The following NAGK variants were observed in gnomAD, a reference collection of about 807,000 sequenced individuals.
NAGK encodes the protein N-acetyl-D-glucosamine kinase.
NAGK carries 35 observed loss-of-function variants against 42.9 expected under a neutral mutation model. The ratio of observed to expected loss-of-function variants is 0.82; its 90% confidence interval spans 0.62 to 1.08. The LOEUF (loss-of-function observed/expected upper bound fraction) is 1.08, where lower values mean the gene tolerates loss of function less well. Ranked by LOEUF, NAGK falls within the 50% of genes least tolerant of loss-of-function variation. NAGK has a pLI of 0.00. For missense variants in NAGK, 446 were observed against 446.0 expected (o/e 1.00, Z 0.00); for synonymous variants, 172 against 176.0 (o/e 0.98, Z 0.18).
intron 6 of NAGK, 36 bp downstream of exon 6, chr2:71,073,630 G>C (rs528354159): frequency 2.1e-5 from 32 of 1,519,362 alleles, no homozygotes; most frequent in Admixed American, 1.8e-4. Flanking sequence ...TGCGCACCTG[G>C]GGTAGGGCAG....
At chr2:71,068,431 G>A, upstream of NAGK, 5 of 1,330,282 alleles carry the variant, frequency 3.8e-6, no homozygotes, top group Non-Finnish European at 4.9e-6. Context: ...CAGGATCCAG[G>A]AGGACGGGAG....
Position 71,078,686 on chromosome 2 carries a change from C to T in NAGK, c.*178C>T, listed in dbSNP as rs1672307621. 2.1e-5 allele frequency: 15 copies of T among 725,278 alleles called. No individual in the cohort carries two copies. Among genetic ancestry groups the T allele is most frequent in the Non-Finnish European group, 2.1e-6 (1 of 469,198 alleles). The allele number at this position is 725,278 out of a possible 1,614,324, so 44.9% of individuals were successfully genotyped here. ...ACATGTGCTATGTACATCCTCAGTG[C>T]ACCTGCCAGCAGATATCCTGGAGGG... is the stretch of plus-strand genomic sequence containing the variant. On this transcript the variant is annotated 3_prime_UTR_variant, in exon 10 of 10. Transcript: ENST00000244204.
At chr2:71,072,376 G>T in intron 4 of NAGK, 1 of 453,444 alleles carries the variant, frequency 2.2e-6, no homozygotes, top group Non-Finnish European at 4.1e-6. Context: ...AGACCGGCTG[G>T]GCAAGGAGCC....
rs780933170 is a variant in NAGK, at chr2:71,070,810, G to A, written c.184G>A (p.Val62Met). The change falls in exon 3 of 10, where the codon GTG becomes ATG. Residue 62 changes from valine (V) to methionine (M), a missense_variant. Val to Met is a conservative substitution (Grantham distance 21). Coordinates refer to ENST00000244204, the MANE Select transcript of NAGK (RefSeq NM_017567.6). The part of the protein sequence containing the change: ...MVNRAKRKAG[V>M]DPLVPLRSLG... Reference sequence around the variant, plus strand: ...GAACAGGGCCAAACGGAAAGCAGGGGTGGATCCTCTGGTACCGCTGCGAAG... The same window carrying A: ...GAACAGGGCCAAACGGAAAGCAGGGATGGATCCTCTGGTACCGCTGCGAAG... 1.2e-6 allele frequency: 2 copies of A among 1,614,220 alleles called. No individual in the cohort carries two copies. Among genetic ancestry groups the A allele is most frequent in the South Asian group, 1.1e-5 (1 of 91,080 alleles).
intron 6 of NAGK, chr2:71,075,323 A>G (rs942145936): frequency 2.1e-6 from 1 of 475,894 alleles, no homozygotes; most frequent in African/African-American, 1.9e-5. Flanking sequence ...GGTTAACACA[A>G]ATCTGTTCTC....
At chr2:71,069,030 C>T in intron 1 of NAGK, 1 of 1,116,764 alleles carries the variant, frequency 9.0e-7, no homozygotes, top group Non-Finnish European at 1.1e-6. Context: ...CTATTCCTGA[C>T]CTCGGACAGA....
In NAGK at chr2:71,071,503, GGTT is replaced by G. The variant is rs1384690216; in HGVS notation, c.214-179_214-177del. On this transcript the variant is annotated intron_variant, in intron 3 of 9. Coordinates refer to ENST00000244204, the MANE Select transcript of NAGK (RefSeq NM_017567.6). ...CTTTCTTCTGTCCATCCCCAGTCCA[GGTT>G]GTTCTTATAACCACAGCCTTCTGAG... The G allele has an allele frequency of 2.5e-6, 2 of 791,908 alleles. 1 individual carries two copies. The highest frequency in any genetic ancestry group is 3.5e-5 in the African/African-American group (2 of 57,256). The allele number at this position is 791,908 out of a possible 1,614,324, so 49.1% of individuals were successfully genotyped here. A position where few individuals can be genotyped will look rare whatever the true frequency, so the allele number is the denominator to read the frequency against.
At position 71,070,812 on chromosome 2, in the gene NAGK, G is replaced by T. The variant is rs553464360; in HGVS notation, c.186G>T (p.Val62=). The change falls in exon 3 of 10, where the codon GTG becomes GTT. Residue 62 remains valine, a synonymous_variant. Coordinates refer to ENST00000244204, the MANE Select transcript of NAGK (RefSeq NM_017567.6). ...MVNRAKRKAG[V]DPLVPLRSLG... is the part of the protein sequence containing the mutation. Reference sequence around the variant, plus strand: ...ACAGGGCCAAACGGAAAGCAGGGGTGGATCCTCTGGTACCGCTGCGAAGCT... The same window carrying T: ...ACAGGGCCAAACGGAAAGCAGGGGTTGATCCTCTGGTACCGCTGCGAAGCT... The T allele has an allele frequency of 6.2e-7, 1 of 1,614,178 alleles. No homozygotes were observed.
intron 4 of NAGK, among the ~76,000 whole-genome samples, 199 bp downstream of exon 4, chr2:71,072,026 G>A (rs1434341140): frequency 6.6e-6 from 1 of 152,228 alleles, no homozygotes; most frequent in Admixed American, 6.5e-5. Flanking sequence ...CTCTTGATGG[G>A]AATCCAGGAG....
At chr2:71,068,518 C>T (rs898110957), upstream of NAGK, 139 of 1,449,274 alleles carry the variant, frequency 9.6e-5, no homozygotes, top group Non-Finnish European at 1.2e-4. Context: ...CAGCCATCCC[C>T]GGCTCCTACC....
chr2:71,072,455 G>C lies in NAGK; in HGVS notation c.356-186G>C, dbSNP rs114239411. ...CCTAGACGAGGGCGTTATGGGATTA[G>C]AGTTTTTCTGAGACCCAGGCTCTCA... On this transcript the variant is annotated intron_variant, in intron 4 of 9. Transcript: ENST00000244204. The C allele has an allele frequency of 1.4e-3, 763 of 559,836 alleles. 4 individuals are homozygous for C. Among genetic ancestry groups the C allele is most frequent in the African/African-American group, 0.013 (698 of 52,984 alleles). 34.7% of individuals were successfully genotyped at this position (559,836 alleles called of 1,614,324 possible).
chr2:71,076,611 G>A lies in NAGK; in HGVS notation c.675G>A (p.Gln225=). 6.2e-7 allele frequency: 1 copy of A among 1,613,134 alleles called. No homozygotes were observed. Among genetic ancestry groups the A allele is most frequent in the Non-Finnish European group, 8.5e-7 (1 of 1,179,278 alleles). ...CCGTCCTCCCTACCCCAGGTGCTCAGCAGGGAGACCCCCTTTCCCGCTATA... is the reference window on the plus strand; with the variant it reads ...CCGTCCTCCCTACCCCAGGTGCTCAACAGGGAGACCCCCTTTCCCGCTATA... ...GFCRKIAEGA[Q]QGDPLSRYIF... The change falls in exon 8 of 10, where the codon CAG becomes CAA. Residue 225 remains glutamine (Q), a synonymous_variant. Transcript: ENST00000244204.
chr2:71,068,862 G>T (rs1671892006), intron 1 of NAGK, 150 bp downstream of exon 1: 1 of 1,373,342 alleles, frequency 7.3e-7, no homozygotes, highest in South Asian at 1.8e-5. Context: ...GCGCAGGGGC[G>T]CCCTGGAGCG....
At chr2:71,068,330 C>T (rs530432762), upstream of NAGK, 3 of 549,690 alleles carry the variant, frequency 5.5e-6, no homozygotes, top group African/African-American at 5.9e-5. Flanking sequence ...CGTTTACAGG[C>T]AGGCAGGTCA....
intron 1 of NAGK, 118 bp downstream of exon 1, chr2:71,068,830 T>G: frequency 7.1e-7 from 1 of 1,401,204 alleles, no homozygotes; most frequent in Non-Finnish European, 9.2e-7. Flanking sequence ...GGCGGGACCT[T>G]GCGGTGAAGA....
intron 2 of NAGK, 67 bp downstream of exon 2, chr2:71,070,653 G>T: frequency 6.2e-7 from 1 of 1,604,214 alleles, no homozygotes. Flanking sequence ...TCCTGTTGAG[G>T]TGGTGGCTGG....
chr2:71,074,476 T>G (rs866268043), intron 6 of NAGK: 2 of 152,354 alleles, frequency 1.3e-5, no homozygotes, highest in African/African-American at 2.4e-5. Flanking sequence ...CAAACTCTAC[T>G]GATAGGTCTA....
chr2:71,076,755 T>A, intron 8 of NAGK, 54 bp downstream of exon 8: 1 of 1,447,536 alleles, frequency 6.9e-7, no homozygotes, highest in Non-Finnish European at 9.7e-7. Flanking sequence ...AGTGGTCCTT[T>A]CCCACTGTGG....
In NAGK at chr2:71,078,525, C is replaced by T. The variant is rs368258937; in HGVS notation, c.*17C>T. The T allele has an allele frequency of 1.9e-3, 2,877 of 1,500,950 alleles. 4 individuals are homozygous for T. Among genetic ancestry groups the T allele is most frequent in the Non-Finnish European group, 2.2e-3 (2,433 of 1,118,486 alleles). The allele number at this position is 1,500,950 out of a possible 1,614,324, so 93.0% of individuals were successfully genotyped here. On this transcript the variant is annotated 3_prime_UTR_variant, in exon 10 of 10. Transcript: ENST00000244204. ...TTTTCCTAGGGGGCTGGTCCCGGCT[C>T]CACCCCCTCCAAGCTCAGTGGACAC...
Sources: gnomAD v4.1 joint callset for allele counts (sites outside exome capture counted in the v4.1 genomes callset) on GRCh38, gnomAD v4.1.1 for gene constraint, MANE v1.5 for transcripts, NCBI Gene and HGNC (gene_info 2026-07-23, HGNC 2026-07-21) for gene names.